TAMM41: variants seen among roughly 807,000 people sequenced by gnomAD.
TAMM41 encodes the protein TAM41 mitochondrial translocator assembly and maintenance homolog, also known as phosphatidate cytidylyltransferase, mitochondrial.
A neutral mutation model predicts 44.1 loss-of-function variants in TAMM41; 36 were observed. The ratio of observed to expected loss-of-function variants is 0.82; its 90% CI spans 0.63 to 1.08. TAMM41 has a LOEUF of 1.08. Among genes scored for constraint, TAMM41 ranks in the 50% least tolerant of loss-of-function variants. TAMM41 has a pLI of 0.00. For missense variants in TAMM41, 417 were observed against 404.3 expected, an observed-to-expected ratio of 1.03 and a Z score of -0.27; for synonymous variants, 164 against 153.1, an observed-to-expected ratio of 1.07 and a Z score of -0.53.
At chr3:11,749,283 T>G in the TAMM41 span, among the ~76,000 whole-genome samples, 1 of 152,202 alleles carries the variant, frequency 6.6e-6, no homozygotes, top group African/African-American at 2.4e-5. Flanking sequence ...ATTACTTCCT[T>G]GTCACATAGC....
At chr3:11,727,777 T>A in the TAMM41 span, among the ~76,000 whole-genome samples, 9 of 150,918 alleles carry the variant, frequency 6.0e-5, no homozygotes, top group African/African-American at 2.2e-4. Flanking sequence ...TTTCTTTTTT[T>A]TTCTAATTTA....
At chr3:11,826,530 C>CAA (rs11388352) in intron 4 of TAMM41, among the ~76,000 whole-genome samples, 11,507 of 61,382 alleles carry the variant, frequency 0.19, 1,518 homozygotes, top group African/African-American at 0.23. Context: ...CCTTGTCTCT[C>CAA]AAAAAAAAAA....
chr3:11,791,832 T>C (rs189287541), intron 7 of TAMM41, among the ~76,000 whole-genome samples: 10 of 152,302 alleles, frequency 6.6e-5, no homozygotes. Context: ...CAAACCAACA[T>C]AACCTAGTCA....
Position 11,809,543 on chromosome 3 carries a change from G to C in TAMM41, c.848C>G (p.Pro283Arg). 1 of 1,614,090 alleles carries C rather than the reference G, an allele frequency of 6.2e-7. No individual in the cohort carries two copies. The highest frequency in any genetic ancestry group is 8.5e-7 in the Non-Finnish European group (1 of 1,180,032). The change falls in exon 6 of 8, where the codon CCC becomes CGC. Residue 283 changes from proline to arginine, a missense_variant. By Grantham distance (103) the Pro-to-Arg change is moderately radical. Transcript: ENST00000455809. Reference sequence around the variant, plus strand: ...TAGTCGCACCACATCTCCACAGTCGGGATCATGAGCCACTTGGAATAAAGT... The same window carrying C: ...TAGTCGCACCACATCTCCACAGTCGCGATCATGAGCCACTTGGAATAAAGT... ...EETLFQVAHD[P>R]DCGDVVRLGL... is the part of the protein sequence containing the mutation.
At chr3:11,808,023 T>G (rs943655379) in intron 6 of TAMM41, 128 bp from the exon 7 acceptor site, 1 of 1,425,598 alleles carries the variant, frequency 7.0e-7, no homozygotes, top group African/African-American at 1.4e-5. Context: ...TCTATCTCTG[T>G]CCTGCTGTCA....
At chr3:11,843,369 T>C (rs551854089) in intron 2 of TAMM41, among the ~76,000 whole-genome samples, 2 of 151,542 alleles carry the variant, frequency 1.3e-5, no homozygotes, top group South Asian at 4.1e-4. Flanking sequence ...AATCTGTGTG[T>C]CCAATGGACA....
intron 4 of TAMM41, among the ~76,000 whole-genome samples, chr3:11,819,126 T>C (rs968126404): frequency 2.6e-5 from 4 of 152,196 alleles, no homozygotes; most frequent in Non-Finnish European, 1.5e-5. Flanking sequence ...TTTCACATAT[T>C]GCTGTTGACT....
intron 5 of TAMM41, among the ~76,000 whole-genome samples, chr3:11,815,903 G>A (rs1444857818): frequency 6.6e-6 from 1 of 152,214 alleles, no homozygotes; most frequent in Non-Finnish European, 1.5e-5. Flanking sequence ...GGGAACGTAT[G>A]CAGCACGGAA....
chr3:11,723,268 T>G, the TAMM41 span, among the ~76,000 whole-genome samples: 3 of 152,054 alleles, frequency 2.0e-5, no homozygotes, highest in Admixed American at 2.0e-4. Context: ...CTTGGTAGGT[T>G]CACAGGTTCT....
At chr3:11,802,827 C>T (rs2077792209) in intron 7 of TAMM41, among the ~76,000 whole-genome samples, 1 of 152,172 alleles carries the variant, frequency 6.6e-6, no homozygotes, top group South Asian at 2.1e-4. Flanking sequence ...TTAAATCCAA[C>T]AGCACATCAA....
chr3:11,748,099 T>G, the TAMM41 span, among the ~76,000 whole-genome samples: 23 of 151,748 alleles, frequency 1.5e-4, no homozygotes, highest in African/African-American at 5.1e-4. Flanking sequence ...GGTCTCAAAC[T>G]CCTGGACTCA....
chr3:11,812,961 G>A (rs1027323557), intron 5 of TAMM41, among the ~76,000 whole-genome samples: 1 of 152,122 alleles, frequency 6.6e-6, no homozygotes, highest in African/African-American at 2.4e-5. Flanking sequence ...ATACAGCACT[G>A]GGAGCTGTAG....
chr3:11,811,956 C>A (rs899457116), intron 5 of TAMM41, among the ~76,000 whole-genome samples: 2 of 152,174 alleles, frequency 1.3e-5, no homozygotes, highest in African/African-American at 2.4e-5. Flanking sequence ...GAGACAGAGT[C>A]TCGCTCTGTT....
the TAMM41 span, among the ~76,000 whole-genome samples, chr3:11,780,987 G>GGCAGCACC: frequency 6.6e-6 from 1 of 152,128 alleles, no homozygotes; most frequent in Non-Finnish European, 1.5e-5. Flanking sequence ...AGCTTACTGA[G>GGCAGCACC]GCAGCACCAC....
downstream of TAMM41, among the ~76,000 whole-genome samples, chr3:11,789,665 G>T (rs1007867355): frequency 6.6e-6 from 1 of 152,124 alleles, no homozygotes; most frequent in Non-Finnish European, 1.5e-5. Context: ...CACCCAATCA[G>T]CATCCGTGAA....
At chr3:11,810,148 A>G (rs2078043642) in intron 5 of TAMM41, 1 of 154,038 alleles carries the variant, frequency 6.5e-6, no homozygotes, top group African/African-American at 2.4e-5. Context: ...TCCTGCCTGT[A>G]GGGCCTTTTA....
At chr3:11,778,287 C>A in the TAMM41 span, among the ~76,000 whole-genome samples, 1 of 151,890 alleles carries the variant, frequency 6.6e-6, no homozygotes, top group Non-Finnish European at 1.5e-5. Flanking sequence ...TGCAGTGGTG[C>A]GATCACAGCT....
At chr3:11,786,315 T>TATTA (rs1491277703), downstream of TAMM41, among the ~76,000 whole-genome samples, 1 of 142,684 alleles carries the variant, frequency 7.0e-6, no homozygotes, top group Non-Finnish European at 1.5e-5. Flanking sequence ...TTATTATTAT[T>TATTA]ATTTTTTGAG....
chr3:11,736,724 C>G, the TAMM41 span, among the ~76,000 whole-genome samples: 5 of 149,426 alleles, frequency 3.3e-5, no homozygotes, highest in East Asian at 7.7e-4. Flanking sequence ...GCTGGCATCC[C>G]TGGGACTGGT....
Sources: gnomAD v4.1 joint callset for allele counts (sites outside exome capture counted in the v4.1 genomes callset) on GRCh38, gnomAD v4.1.1 for gene constraint, MANE v1.5 for transcripts, NCBI Gene and HGNC (gene_info 2026-07-23, HGNC 2026-07-21) for gene names.